KCNH7: variants seen among roughly 807,000 people sequenced by gnomAD.
KCNH7 encodes the protein voltage-gated inwardly rectifying potassium channel KCNH7.
KCNH7 carries 49 observed loss-of-function variants against 120.8 expected under a neutral mutation model. The ratio of observed to expected loss-of-function variants is 0.41; its 90% CI spans 0.32 to 0.51. The LOEUF (loss-of-function observed/expected upper bound fraction) is 0.51, where lower values mean the gene tolerates loss of function less well. Among genes scored for constraint, KCNH7 ranks in the 20% least tolerant of loss-of-function variants. KCNH7 has a pLI of 0.38. For synonymous variants in KCNH7, 547 were observed against 516.1 expected (o/e 1.06, Z -0.81); for missense variants, 1,097 against 1,446.6 (o/e 0.76, Z 3.92).
At chr2:162,504,309 C>T in intron 6 of KCNH7, 134 bp downstream of exon 6, 1 of 657,072 alleles carries the variant, frequency 1.5e-6, no homozygotes, top group South Asian at 1.9e-5. Flanking sequence ...TACCCAACAT[C>T]TCAAGATAAA....
At chr2:162,525,397 C>G (rs954476532) in intron 3 of KCNH7, among the ~76,000 whole-genome samples, 2 of 151,792 alleles carry the variant, frequency 1.3e-5, no homozygotes, top group African/African-American at 4.8e-5. Context: ...TGGGTCATCA[C>G]AAGAGCAAAG....
At position 162,674,838 on chromosome 2, in the gene KCNH7, C is replaced by T. The variant is rs537351830; in HGVS notation, c.308-137758G>A. ...TAGATTAAAGATCACACATGAAAGG[C>T]AAACTGTAAAAGTTTTAGAAGATAA... On this transcript the variant is annotated intron_variant, in intron 2 of 15. Coordinates refer to ENST00000332142, the MANE Select transcript of KCNH7 (RefSeq NM_033272.4). Among the ~76,000 whole-genome samples the T allele has an allele frequency of 1.3e-4, 19 of 151,638 alleles. 1 individual carries two copies. The highest frequency in any genetic ancestry group is 1.0e-3 in the South Asian group (5 of 4,826).
intron 2 of KCNH7, among the ~76,000 whole-genome samples, chr2:162,787,220 A>G (rs907027379): frequency 6.6e-6 from 1 of 152,102 alleles, no homozygotes. Flanking sequence ...GATATCCTCC[A>G]TGGATTCAGA....
At chr2:162,778,663 A>G (rs1300207848) in intron 2 of KCNH7, among the ~76,000 whole-genome samples, 2 of 152,196 alleles carry the variant, frequency 1.3e-5, no homozygotes, top group Admixed American at 1.3e-4. Context: ...ATATTTTATC[A>G]TGTGATTTTA....
intron 7 of KCNH7, among the ~76,000 whole-genome samples, chr2:162,442,401 T>G (rs1048709747): frequency 6.6e-6 from 1 of 152,122 alleles, no homozygotes; most frequent in African/African-American, 2.4e-5. Context: ...TTACATAGAT[T>G]ACATAATATA....
At chr2:162,692,950 A>C (rs1399033651) in intron 2 of KCNH7, among the ~76,000 whole-genome samples, 1 of 152,196 alleles carries the variant, frequency 6.6e-6, no homozygotes, top group Non-Finnish European at 1.5e-5. Flanking sequence ...CAAGACAAAA[A>C]AAACTAAAGT....
intron 9 of KCNH7, among the ~76,000 whole-genome samples, chr2:162,408,220 A>G (rs1051418893): frequency 6.6e-6 from 1 of 152,070 alleles, no homozygotes; most frequent in Non-Finnish European, 1.5e-5. Context: ...GGTTTTATAG[A>G]AAAGTAATAA....
intron 2 of KCNH7, among the ~76,000 whole-genome samples, chr2:162,821,534 CTG>C (rs1339551211): frequency 6.6e-6 from 1 of 152,208 alleles, no homozygotes; most frequent in Admixed American, 6.5e-5. Context: ...CATGAAAACT[CTG>C]TACTGTAGAA....
intron 2 of KCNH7, among the ~76,000 whole-genome samples, chr2:162,735,912 G>A (rs1434334297): frequency 6.6e-6 from 1 of 152,164 alleles, no homozygotes; most frequent in Admixed American, 6.6e-5. Flanking sequence ...GAAGGGCTTA[G>A]AGTTAGCTGA....
At chr2:162,808,032 G>T (rs1020374943) in intron 2 of KCNH7, among the ~76,000 whole-genome samples, 1 of 152,112 alleles carries the variant, frequency 6.6e-6, no homozygotes, top group Non-Finnish European at 1.5e-5. Flanking sequence ...TTCCTTGAAT[G>T]CCTGGTACAG....
At chr2:162,432,534 A>G (rs1688103989) in intron 8 of KCNH7, among the ~76,000 whole-genome samples, 1 of 152,048 alleles carries the variant, frequency 6.6e-6, no homozygotes, top group South Asian at 2.1e-4. Context: ...AACGATCAGG[A>G]TCTATTTTCA....
chr2:162,785,875 T>C (rs1266457633), intron 2 of KCNH7, among the ~76,000 whole-genome samples: 1 of 152,202 alleles, frequency 6.6e-6, no homozygotes, highest in African/African-American at 2.4e-5. Flanking sequence ...ACTGTACCAC[T>C]CTTATTAGAC....
rs370979265 is a variant in KCNH7 at position 162,456,343 on chromosome 2, T to C, written c.1129-9900A>G. Among the ~76,000 whole-genome samples the C allele has an allele frequency of 7.4e-5, 11 of 147,888 alleles. No homozygotes were observed. The East Asian group carries it at 2.1e-3, about 29-fold the overall frequency. ...ATAATACATAATGGAAATTATAATTTATACATTATACAAATTATAATTTAT... is the reference window on the plus strand; with the variant it reads ...ATAATACATAATGGAAATTATAATTCATACATTATACAAATTATAATTTAT... On this transcript the variant is annotated intron_variant, in intron 6 of 15. Transcript: ENST00000332142.
chr2:162,381,371 T>C (rs561924864), intron 13 of KCNH7, among the ~76,000 whole-genome samples: 109 of 152,218 alleles, frequency 7.2e-4, no homozygotes, highest in Admixed American at 2.2e-3. Context: ...AACAACACCA[T>C]TGGACTCCTC....
intron 6 of KCNH7, among the ~76,000 whole-genome samples, chr2:162,476,472 C>T (rs181829439): frequency 6.6e-6 from 1 of 152,116 alleles, no homozygotes; most frequent in Non-Finnish European, 1.5e-5. Flanking sequence ...ATAATTTTTA[C>T]AGCAGATATT....
At chr2:162,724,806 C>T (rs1358763508) in intron 2 of KCNH7, among the ~76,000 whole-genome samples, 2 of 152,094 alleles carry the variant, frequency 1.3e-5, no homozygotes, top group African/African-American at 2.4e-5. Context: ...TAACTGAAAC[C>T]AGAGGAAAGA....
intron 2 of KCNH7, among the ~76,000 whole-genome samples, chr2:162,773,570 A>G (rs767416012): frequency 6.7e-6 from 1 of 150,354 alleles, no homozygotes; most frequent in Non-Finnish European, 1.5e-5. Context: ...AGAGCAAATA[A>G]AAATAGTGTT....
chr2:162,487,338 A>T (rs1173022498), intron 6 of KCNH7, among the ~76,000 whole-genome samples: 1 of 152,190 alleles, frequency 6.6e-6, no homozygotes, highest in Non-Finnish European at 1.5e-5. Flanking sequence ...CTACAGAATG[A>T]AAAGGTTGTG....
chr2:162,549,959 G>A (rs776530024), intron 2 of KCNH7, among the ~76,000 whole-genome samples: 2 of 152,192 alleles, frequency 1.3e-5, no homozygotes, highest in African/African-American at 2.4e-5. Context: ...TTTAGACGCT[G>A]CTGCTTCTCA....
Sources: allele counts gnomAD v4.1 joint callset (sites outside exome capture counted in the v4.1 genomes callset), GRCh38; gene constraint gnomAD v4.1.1; transcripts MANE v1.5; gene names NCBI Gene and HGNC (gene_info 2026-07-23, HGNC 2026-07-21).